The following UMAD1 variants were observed in gnomAD, a reference collection of about 807,000 sequenced individuals.
UMAD1 encodes the protein UBAP1-MVB12-associated (UMA)-domain containing protein 1.
UMAD1 carries 8 observed loss-of-function variants against 6.1 expected under a neutral mutation model. The ratio of observed to expected loss-of-function variants is 1.30; its 90% CI spans 0.76 to 2.35. UMAD1 has a LOEUF of 2.35. Among genes scored for constraint, UMAD1 ranks in the 30% most tolerant of loss-of-function variants. UMAD1 has a pLI of 0.00. For synonymous variants in UMAD1, 56 were observed against 31.4 expected, an observed-to-expected ratio of 1.78 and a Z score of -2.61; for missense variants, 130 against 78.4, an observed-to-expected ratio of 1.66 and a Z score of -2.49.
At chr7:7,698,301 T>C (rs1780364866) in intron 2 of UMAD1, among the ~76,000 whole-genome samples, 1 of 152,186 alleles carries the variant, frequency 6.6e-6, no homozygotes, top group Non-Finnish European at 1.5e-5. Context: ...TTGAAGTAAC[T>C]AGAGAAAATT....
intron 2 of UMAD1, among the ~76,000 whole-genome samples, chr7:7,742,881 A>G (rs1164895563): frequency 6.6e-6 from 1 of 152,206 alleles, no homozygotes. Context: ...TAACCCCATC[A>G]AAGTGCTGTA....
chr7:7,681,802 A>G (rs181910265), intron 2 of UMAD1, among the ~76,000 whole-genome samples: 352 of 152,274 alleles, frequency 2.3e-3, no homozygotes, highest in African/African-American at 8.3e-3. Flanking sequence ...ATTATCTTTA[A>G]GTTGATTACA....
chr7:7,743,902 T>G (rs1290237839), intron 2 of UMAD1, among the ~76,000 whole-genome samples: 1 of 152,074 alleles, frequency 6.6e-6, no homozygotes, highest in African/African-American at 2.4e-5. Context: ...GAAACTATTT[T>G]TAAAATAAAA....
At chr7:7,752,525 T>G (rs1563178698) in intron 2 of UMAD1, among the ~76,000 whole-genome samples, 2 of 152,212 alleles carry the variant, frequency 1.3e-5, no homozygotes, top group Non-Finnish European at 2.9e-5. Flanking sequence ...GAAAAAAATT[T>G]TATGAAAGTT....
intron 2 of UMAD1, among the ~76,000 whole-genome samples, chr7:7,746,971 G>A (rs1028986327): frequency 6.6e-6 from 1 of 151,902 alleles, no homozygotes; most frequent in East Asian, 1.9e-4. Flanking sequence ...GTGTGTGTGT[G>A]TGTGTGTGTG....
intron 3 of UMAD1, among the ~76,000 whole-genome samples, chr7:7,847,207 T>C (rs977039464): frequency 6.3e-5 from 9 of 143,020 alleles, no homozygotes; most frequent in Admixed American, 3.6e-4. Context: ...CCAATGAACA[T>C]GGTTTGCCTG....
intron 3 of UMAD1, among the ~76,000 whole-genome samples, chr7:7,822,685 C>G (rs1301519421): frequency 1.3e-5 from 2 of 152,084 alleles, no homozygotes; most frequent in African/African-American, 2.4e-5. Flanking sequence ...AGCCATAACG[C>G]TTTAGTGTAA....
Position 7,873,164 on chromosome 7 carries a change from C to T in UMAD1, c.157-4117C>T, listed in dbSNP as rs180892357. Reference sequence around the variant, plus strand: ...TAATACAGCTAAGGAAACTGAGGCACGGAGAAGTTAAATATTTTGCCCAAG... The same window carrying T: ...TAATACAGCTAAGGAAACTGAGGCATGGAGAAGTTAAATATTTTGCCCAAG... On this transcript the variant is annotated intron_variant, in intron 3 of 3. Transcript: ENST00000682710. Among the ~76,000 whole-genome samples, 29 of 152,210 alleles carry T rather than the reference C, an allele frequency of 1.9e-4. No individual in the cohort carries two copies. The South Asian group carries it at 3.1e-3, about 16-fold the overall frequency.
intron 2 of UMAD1, among the ~76,000 whole-genome samples, chr7:7,745,040 A>G (rs558069898): frequency 6.6e-6 from 1 of 152,326 alleles, no homozygotes; most frequent in Admixed American, 6.5e-5. Flanking sequence ...ATTAGCACAT[A>G]CTTTATATAT....
chr7:7,774,754 T>C (rs1245605247), intron 2 of UMAD1, among the ~76,000 whole-genome samples: 2 of 152,232 alleles, frequency 1.3e-5, no homozygotes, highest in African/African-American at 4.8e-5. Context: ...CTTGTCATCC[T>C]TCTCAAGCCC....
chr7:7,754,181 G>T (rs62432644), intron 2 of UMAD1, among the ~76,000 whole-genome samples: 2 of 151,834 alleles, frequency 1.3e-5, no homozygotes, highest in Non-Finnish European at 2.9e-5. Context: ...GCAAGACTCC[G>T]TCTCAAAAAA....
chr7:7,643,233 T>C lies in UMAD1; in HGVS notation c.-64+2412T>C, dbSNP rs76946531. On this transcript the variant is annotated intron_variant, in intron 1 of 3. Transcript: ENST00000682710. Reference sequence around the variant, plus strand: ...GGAGAAACAGCTTCCTGGGCATGCATATTAAGAGACAAAAATGGTAAAGTA... The same window carrying C: ...GGAGAAACAGCTTCCTGGGCATGCACATTAAGAGACAAAAATGGTAAAGTA... Among the ~76,000 whole-genome samples, 295 of 152,274 alleles carry C rather than the reference T, an allele frequency of 1.9e-3. 2 individuals carry two copies. The highest frequency in any genetic ancestry group is 6.8e-3 in the African/African-American group (284 of 41,556).
chr7:7,843,113 A>G (rs573481313), intron 3 of UMAD1, among the ~76,000 whole-genome samples: 52 of 152,332 alleles, frequency 3.4e-4, no homozygotes, highest in Admixed American at 1.8e-3. Context: ...TGGATTTTGC[A>G]GAAAATAAGT....
chr7:7,757,928 G>A (rs1275078088), intron 2 of UMAD1, among the ~76,000 whole-genome samples: 1 of 152,042 alleles, frequency 6.6e-6, no homozygotes, highest in Non-Finnish European at 1.5e-5. Context: ...ATCTTCTTAT[G>A]GTTTGTCTAG....
chr7:7,855,713 G>T (rs1301016159), intron 3 of UMAD1, among the ~76,000 whole-genome samples: 1 of 152,184 alleles, frequency 6.6e-6, no homozygotes, highest in East Asian at 1.9e-4. Context: ...TTTGCATTTG[G>T]CTTCTCATTA....
At chr7:7,794,277 C>T (rs747731904) in intron 2 of UMAD1, among the ~76,000 whole-genome samples, 30 of 152,184 alleles carry the variant, frequency 2.0e-4, no homozygotes, top group Non-Finnish European at 3.8e-4. Flanking sequence ...ATAATAACAG[C>T]CCTCTTCCCC....
At chr7:7,716,378 G>A (rs987799735) in intron 2 of UMAD1, among the ~76,000 whole-genome samples, 1 of 152,174 alleles carries the variant, frequency 6.6e-6, no homozygotes, top group Non-Finnish European at 1.5e-5. Context: ...CCTTGGCAAG[G>A]TTTCCTTTTA....
chr7:7,788,375 A>G (rs538907571), intron 2 of UMAD1, among the ~76,000 whole-genome samples: 14 of 152,270 alleles, frequency 9.2e-5, no homozygotes, highest in African/African-American at 3.4e-4. Context: ...CTCTATCATC[A>G]CATTTTACTC....
At position 7,694,172 on chromosome 7, in the gene UMAD1, C is replaced by A. The variant is rs112642775; in HGVS notation, c.82+20719C>A. On this transcript the variant is annotated intron_variant, in intron 2 of 3. Coordinates refer to ENST00000682710, the MANE Select transcript of UMAD1 (RefSeq NM_001302348.2). ...CCAAAGAAGGAATGAAGCATGTTTT[C>A]TTTTTCTCCTCATGACTAGTGATAA... Among the ~76,000 whole-genome samples, 888 of 152,190 alleles carry A rather than the reference C, an allele frequency of 5.8e-3. 11 individuals carry two copies. The highest frequency in any genetic ancestry group is 0.02 in the African/African-American group (843 of 41,530).
Sources: gnomAD v4.1 joint callset for allele counts (sites outside exome capture counted in the v4.1 genomes callset) on GRCh38, gnomAD v4.1.1 for gene constraint, MANE v1.5 for transcripts, NCBI Gene and HGNC (gene_info 2026-07-23, HGNC 2026-07-21) for gene names.